The following SEPTIN10 variants were observed in gnomAD, a reference collection of about 807,000 sequenced individuals.
The protein encoded by SEPTIN10 is septin 10, also known as septin-10.
In SEPTIN10, 66 loss-of-function variants were observed where a neutral mutation model predicts 54.8. The ratio of observed to expected loss-of-function variants is 1.21; its 90% CI spans 0.99 to 1.48. SEPTIN10 has a LOEUF of 1.48. Ranked by LOEUF, SEPTIN10 falls within the 40% of genes most tolerant of loss-of-function variation. SEPTIN10 has a pLI of 0.00. For synonymous variants in SEPTIN10, 161 were observed against 181.0 expected, an observed-to-expected ratio of 0.89 and a Z score of 0.89; for missense variants, 620 against 545.6, an observed-to-expected ratio of 1.14 and a Z score of -1.36.
At chr2:109,587,129 G>GA (rs2105819117) in intron 2 of SEPTIN10, among the ~76,000 whole-genome samples, 1 of 152,242 alleles carries the variant, frequency 6.6e-6, no homozygotes, top group East Asian at 1.9e-4. Flanking sequence ...GAATCTACAG[G>GA]AAAAAGATGG....
chr2:109,562,479 A>G (rs763463455), intron 8 of SEPTIN10, among the ~76,000 whole-genome samples: 4 of 151,924 alleles, frequency 2.6e-5, no homozygotes, highest in Non-Finnish European at 5.9e-5. Flanking sequence ...CATACACCCA[A>G]TGACTAGCAT....
At chr2:109,606,575 G>A (rs975082908) in intron 1 of SEPTIN10, among the ~76,000 whole-genome samples, 1 of 149,424 alleles carries the variant, frequency 6.7e-6, no homozygotes, top group Admixed American at 6.7e-5. Context: ...TTTATTACCT[G>A]CAAAGATCTT....
chr2:109,568,473 G>A (rs772272038), intron 5 of SEPTIN10, among the ~76,000 whole-genome samples: 1 of 149,796 alleles, frequency 6.7e-6, no homozygotes, highest in African/African-American at 2.5e-5. Context: ...CTGGGTTCAA[G>A]CGATTCTCTT....
chr2:109,600,311 C>G (rs1338238451), intron 1 of SEPTIN10, among the ~76,000 whole-genome samples: 1 of 152,116 alleles, frequency 6.6e-6, no homozygotes, highest in Admixed American at 6.6e-5. Flanking sequence ...GGCAATACTA[C>G]CCCTGCCCCT....
At chr2:109,593,209 G>T in intron 1 of SEPTIN10, 90 bp from the exon 2 acceptor site, 1 of 794,664 alleles carries the variant, frequency 1.3e-6, no homozygotes, top group Non-Finnish European at 1.9e-6. Context: ...TGAATAAGGT[G>T]TTATAATAAT....
Position 109,593,135 on chromosome 2 carries a change from A to G in SEPTIN10, c.31-16T>C. On this transcript the variant is annotated splice_polypyrimidine_tract_variant and intron_variant, in intron 1 of 10. Transcript: ENST00000397712. ...ACTGAAAGAGCTAAAAAAGGAATAC[A>G]AAGGCTTAAAAGGAAACAGAAACAT... is the stretch of plus-strand genomic sequence containing the variant. 1 of 1,561,744 alleles carries G rather than the reference A, an allele frequency of 6.4e-7. No individual in the cohort carries two copies. Among genetic ancestry groups the G allele is most frequent in the Non-Finnish European group, 8.7e-7 (1 of 1,149,830 alleles).
chr2:109,609,112 G>A (rs551341877), intron 1 of SEPTIN10, among the ~76,000 whole-genome samples: 104 of 152,310 alleles, frequency 6.8e-4, no homozygotes, highest in Non-Finnish European at 1.0e-3. Context: ...ATCGGTCTGG[G>A]ACTATCTGAA....
chr2:109,607,739 C>T (rs1698326274), intron 1 of SEPTIN10, among the ~76,000 whole-genome samples: 1 of 152,026 alleles, frequency 6.6e-6, no homozygotes, highest in Non-Finnish European at 1.5e-5. Flanking sequence ...AGTCTTTCCT[C>T]CCCTGACTTC....
At position 109,545,851 on chromosome 2, in the gene SEPTIN10, T is replaced by C. The variant is rs1158722235; in HGVS notation, c.1349+199A>G. On this transcript the variant is annotated intron_variant, in intron 10 of 10. Coordinates refer to ENST00000397712, the MANE Select transcript of SEPTIN10 (RefSeq NM_144710.5). The stretch of plus-strand genomic sequence containing the variant: ...TTTGGCAAATACTGAACACATAACA[T>C]GTGCCAGGTGCTGTTCTGGATGCTG... 6.2e-6 allele frequency: 9 copies of C among 1,440,654 alleles called. No individual in the cohort carries two copies. The East Asian group carries it at 1.7e-4, about 27-fold the overall frequency. 89.2% of individuals were successfully genotyped at this position (1,440,654 alleles called of 1,614,324 possible). A position where few individuals can be genotyped will look rare whatever the true frequency, so the allele number is the denominator to read the frequency against.
intron 7 of SEPTIN10, among the ~76,000 whole-genome samples, 177 bp from the exon 8 acceptor site, chr2:109,564,711 T>C (rs1296201832): frequency 6.6e-6 from 1 of 152,250 alleles, no homozygotes; most frequent in Non-Finnish European, 1.5e-5. Flanking sequence ...ACTCTTGCAG[T>C]ATAAATACTG....
chr2:109,574,926 A>G (rs1161483155), intron 4 of SEPTIN10, among the ~76,000 whole-genome samples, 159 bp from the exon 5 acceptor site: 1 of 152,254 alleles, frequency 6.6e-6, no homozygotes, highest in East Asian at 1.9e-4. Context: ...TGTGCAGAAC[A>G]TGCGCAAAAG....
At chr2:109,602,380 T>C (rs1347028028) in intron 1 of SEPTIN10, among the ~76,000 whole-genome samples, 1 of 152,048 alleles carries the variant, frequency 6.6e-6, no homozygotes, top group East Asian at 1.9e-4. Flanking sequence ...CAAGGCTTAT[T>C]TAAATAAAAA....
intron 4 of SEPTIN10, among the ~76,000 whole-genome samples, chr2:109,578,657 C>T (rs1342582917): frequency 6.6e-6 from 1 of 152,084 alleles, no homozygotes; most frequent in Non-Finnish European, 1.5e-5. Flanking sequence ...ATCCCAGCTA[C>T]TCGGGAGGCT....
chr2:109,603,749 G>A (rs1277407135), intron 1 of SEPTIN10, among the ~76,000 whole-genome samples: 2 of 152,192 alleles, frequency 1.3e-5, no homozygotes, highest in Admixed American at 6.5e-5. Context: ...GGCTTGAGCA[G>A]AGACTTGATG....
chr2:109,598,167 A>G (rs1245127244), intron 1 of SEPTIN10, among the ~76,000 whole-genome samples: 1 of 151,868 alleles, frequency 6.6e-6, no homozygotes, highest in Admixed American at 6.6e-5. Flanking sequence ...GGTTCAAGCG[A>G]TTTGTCTGCC....
intron 5 of SEPTIN10, among the ~76,000 whole-genome samples, chr2:109,569,827 G>A (rs1687934867): frequency 6.6e-6 from 1 of 150,630 alleles, no homozygotes; most frequent in Admixed American, 6.6e-5. Flanking sequence ...GCCCAAAGAG[G>A]GTCGCTTGTC....
chr2:109,589,509 G>T (rs1222763136), intron 2 of SEPTIN10, among the ~76,000 whole-genome samples: 1 of 151,920 alleles, frequency 6.6e-6, no homozygotes, highest in Non-Finnish European at 1.5e-5. Context: ...CAGCCTGGAA[G>T]ACAGAGCAAG....
intron 2 of SEPTIN10, among the ~76,000 whole-genome samples, chr2:109,586,405 C>T (rs56822430): frequency 0.03 from 4,572 of 151,314 alleles, 78 homozygotes; most frequent in South Asian, 0.076. Flanking sequence ...GTTTATCTAG[C>T]TTTTTCCCTG....
At position 109,559,613 on chromosome 2, in the gene SEPTIN10, G is replaced by C. The variant is rs114213415; in HGVS notation, c.1028+4753C>G. On this transcript the variant is annotated intron_variant, in intron 8 of 10. Transcript: ENST00000397712. Reference sequence around the variant, plus strand: ...ATTGAGTCCTTTCCTCTTGGTACCAGTATCCATTATCCTCATTACCTTTTT... The same window carrying C: ...ATTGAGTCCTTTCCTCTTGGTACCACTATCCATTATCCTCATTACCTTTTT... Among the ~76,000 whole-genome samples, 971 of 152,264 alleles carry C rather than the reference G, an allele frequency of 6.4e-3. 5 individuals are homozygous for C. Among genetic ancestry groups the C allele is most frequent in the Non-Finnish European group, 0.011 (748 of 68,014 alleles).
Sources: allele counts gnomAD v4.1 joint callset (sites outside exome capture counted in the v4.1 genomes callset), GRCh38; gene constraint gnomAD v4.1.1; transcripts MANE v1.5; gene names NCBI Gene and HGNC (gene_info 2026-07-23, HGNC 2026-07-21).